The following ARHGEF18 variants were observed in gnomAD, a reference collection of about 807,000 sequenced individuals.
ARHGEF18 encodes rho guanine nucleotide exchange factor 18.
ARHGEF18 carries 93 observed loss-of-function variants against 155.7 expected under a neutral mutation model. That is an observed-to-expected ratio of 0.60 (90% CI 0.50 to 0.71). The LOEUF (loss-of-function observed/expected upper bound fraction) is 0.71, where lower values mean the gene tolerates loss of function less well. Ranked by LOEUF, ARHGEF18 falls within the 30% of genes least tolerant of loss-of-function variation. The pLI is 0.00. For synonymous variants in ARHGEF18, 742 were observed against 753.1 expected, an observed-to-expected ratio of 0.99 and a Z score of 0.24; for missense variants, 1,593 against 1,816.1, an observed-to-expected ratio of 0.88 and a Z score of 2.23.
chr19:7,421,113 T>C (rs1973325987), intron 10 of ARHGEF18, among the ~76,000 whole-genome samples: 1 of 145,722 alleles, frequency 6.9e-6, no homozygotes, highest in Non-Finnish European at 1.5e-5. Context: ...GTATTTTTTG[T>C]AGGGATGTGG....
At chr19:7,352,170 A>G (rs955116890) in intron 1 of ARHGEF18, among the ~76,000 whole-genome samples, 2 of 151,516 alleles carry the variant, frequency 1.3e-5, no homozygotes, top group Non-Finnish European at 2.9e-5. Flanking sequence ...TTATGGTGTC[A>G]TTTTCCTCCA....
chr19:7,361,681 A>C (rs1969555334), intron 1 of ARHGEF18, among the ~76,000 whole-genome samples: 1 of 152,086 alleles, frequency 6.6e-6, no homozygotes, highest in Admixed American at 6.6e-5. Flanking sequence ...GCAATTGAAT[A>C]TTATTCAGCC....
At chr19:7,448,335 C>T (rs145086892) in intron 15 of ARHGEF18, among the ~76,000 whole-genome samples, 5 of 152,208 alleles carry the variant, frequency 3.3e-5, no homozygotes, top group Admixed American at 6.5e-5. Flanking sequence ...CCCAACATGG[C>T]GAAACCCCGT....
chr19:7,385,849 C>CTA lies in ARHGEF18; in HGVS notation c.967+2647_967+2648insAT, dbSNP rs370871292. On this transcript the variant is annotated intron_variant, in intron 10 of 28. Transcript: ENST00000668164. ...TCTCTCTCTATCTCTCTCTCTCTCT[C>CTA]TCTCTCTCTCTCTCTCTCTCTCCCC... 2.5e-3 allele frequency among the ~76,000 whole-genome samples: 260 copies of CTA among 105,810 alleles called. 6 individuals carry two copies. Among genetic ancestry groups the CTA allele is most frequent in the African/African-American group, 0.013 (246 of 19,634 alleles). 69.4% of individuals were successfully genotyped at this position (105,810 alleles called of 152,430 possible). A position where few individuals can be genotyped will look rare whatever the true frequency, so the allele number is the denominator to read the frequency against.
At chr19:7,358,878 A>C (rs1378411229) in intron 1 of ARHGEF18, among the ~76,000 whole-genome samples, 1 of 152,232 alleles carries the variant, frequency 6.6e-6, no homozygotes, top group Non-Finnish European at 1.5e-5. Flanking sequence ...GATTGATACA[A>C]GATTTTACCT....
At chr19:7,398,704 A>AAAGAAAGAAAGAAAG (rs1555708478) in intron 10 of ARHGEF18, among the ~76,000 whole-genome samples, 5 of 147,074 alleles carry the variant, frequency 3.4e-5, no homozygotes, top group African/African-American at 1.3e-4. Context: ...AAAAAAAAAA[A>AAAGAAAGAAAGAAAG]AAATAAAGAA....
chr19:7,474,752 GGAGT>G (rs936763870), downstream of ARHGEF18, among the ~76,000 whole-genome samples: 1 of 103,110 alleles, frequency 9.7e-6, no homozygotes, highest in Non-Finnish European at 1.8e-5. Flanking sequence ...GGTGGGCATT[GGAGT>G]GTGTGTGTGT....
At chr19:7,418,638 G>A (rs1031787565) in intron 10 of ARHGEF18, among the ~76,000 whole-genome samples, 2 of 151,954 alleles carry the variant, frequency 1.3e-5, no homozygotes, top group African/African-American at 4.8e-5. Context: ...TGGGGGAAAT[G>A]GAGGCAGGGT....
intron 10 of ARHGEF18, among the ~76,000 whole-genome samples, chr19:7,403,101 C>T (rs1394825737): frequency 2.0e-4 from 31 of 152,138 alleles, no homozygotes; most frequent in Admixed American, 2.0e-3. Flanking sequence ...GTAACCTCCG[C>T]CTCCTGGGTT....
chr19:7,370,426 G>T (rs1041665756), intron 2 of ARHGEF18, among the ~76,000 whole-genome samples: 2 of 151,890 alleles, frequency 1.3e-5, no homozygotes, highest in African/African-American at 4.8e-5. Context: ...AACCCGGGAG[G>T]TGGAGCTTGC....
intron 14 of ARHGEF18, among the ~76,000 whole-genome samples, chr19:7,445,874 C>CA (rs1435176623): frequency 6.6e-6 from 1 of 152,090 alleles, no homozygotes; most frequent in Non-Finnish European, 1.5e-5. Flanking sequence ...CCGCCTGCCT[C>CA]AGTCTCCCAA....
At chr19:7,438,114 T>C (rs1442592727) in intron 10 of ARHGEF18, among the ~76,000 whole-genome samples, 1 of 135,916 alleles carries the variant, frequency 7.4e-6, no homozygotes, top group African/African-American at 2.7e-5. Flanking sequence ...CCTCCCCTCT[T>C]CTTTTCGAGA....
chr19:7,375,944 G>A, intron 4 of ARHGEF18, 74 bp downstream of exon 4: 1 of 1,231,090 alleles, frequency 8.1e-7, no homozygotes, highest in Non-Finnish European at 1.0e-6. Context: ...AGGTAGGAAG[G>A]AGAGACTTGC....
chr19:7,365,642 GGCTGT>G (rs1395751964), intron 2 of ARHGEF18, among the ~76,000 whole-genome samples: 2 of 152,184 alleles, frequency 1.3e-5, no homozygotes, highest in Non-Finnish European at 2.9e-5. Flanking sequence ...TAGGCAGCAA[GGCTGT>G]GCCCCCACCC....
At chr19:7,474,818 C>T (rs1235354089), downstream of ARHGEF18, among the ~76,000 whole-genome samples, 1 of 148,174 alleles carries the variant, frequency 6.7e-6, no homozygotes, top group Non-Finnish European at 1.5e-5. Flanking sequence ...CCACCCCAAC[C>T]CCAGCCGTCC....
intron 10 of ARHGEF18, among the ~76,000 whole-genome samples, chr19:7,438,680 G>T (rs1016607025): frequency 6.6e-6 from 1 of 151,034 alleles, no homozygotes; most frequent in Non-Finnish European, 1.5e-5. Flanking sequence ...CAAAGTGCTG[G>T]GATTACAGGC....
intron 10 of ARHGEF18, among the ~76,000 whole-genome samples, chr19:7,412,613 G>A (rs566565473): frequency 1.3e-4 from 19 of 151,706 alleles, no homozygotes; most frequent in Middle Eastern, 3.4e-3. Context: ...GTGGTGGCAG[G>A]CGCCTGTAAT....
In ARHGEF18 at chr19:7,470,110, C is replaced by A. The variant is rs1448172427; in HGVS notation, c.3914-16C>A. 12 of 1,612,228 alleles carry A rather than the reference C, an allele frequency of 7.4e-6. No homozygotes were observed. In the East Asian group the frequency reaches 2.2e-4, roughly 30 times the overall value. ...CACCCGGCGACTGCTCAGTCTGAACCCTCTCTCTGTTCCAGACCCTGGCTT... is the reference window on the plus strand; with the variant it reads ...CACCCGGCGACTGCTCAGTCTGAACACTCTCTCTGTTCCAGACCCTGGCTT... On this transcript the variant is annotated splice_polypyrimidine_tract_variant and intron_variant, in intron 28 of 28. Transcript: ENST00000668164. This position sits in a 1 kb window ranked among gnomAD's most constrained non-coding sequence, Gnocchi z 5.9.
chr19:7,366,939 T>G (rs1969913583), intron 2 of ARHGEF18, among the ~76,000 whole-genome samples: 1 of 151,816 alleles, frequency 6.6e-6, no homozygotes, highest in Non-Finnish European at 1.5e-5. Flanking sequence ...GTTGTTTTTT[T>G]TTTTTAAAGA....
Sources: allele counts gnomAD v4.1 joint callset (sites outside exome capture counted in the v4.1 genomes callset), GRCh38; gene constraint gnomAD v4.1.1; non-coding constraint Gnocchi (gnomAD v3.1); transcripts MANE v1.5; gene names NCBI Gene and HGNC (gene_info 2026-07-23, HGNC 2026-07-21).